Variants in ROBO1 observed in about 807,000 individuals in gnomAD.
The protein encoded by ROBO1 is roundabout homolog 1.
A neutral mutation model predicts 195.9 loss-of-function variants in ROBO1; 149 were observed. That is an observed-to-expected ratio of 0.76 (90% CI 0.67 to 0.87). ROBO1 has a LOEUF of 0.87. Among genes scored for constraint, ROBO1 ranks in the 40% least tolerant of loss-of-function variants. The pLI is 0.00. For synonymous variants in ROBO1, 816 were observed against 733.2 expected (o/e 1.11, Z -1.82); for missense variants, 1,933 against 2,068.3 (o/e 0.93, Z 1.27).
rs535511374 is a variant in ROBO1 at position 79,031,991 on chromosome 3, C to T, written c.173-93064G>A. ...CTCTTAAACAATAGTGAGATGGACA[C>T]ACAGGCTTATATAGGGTATGAAGCC... On this transcript the variant is annotated intron_variant, in intron 3 of 30. Coordinates refer to ENST00000464233, the MANE Select transcript of ROBO1 (RefSeq NM_002941.4). Among the ~76,000 whole-genome samples the T allele has an allele frequency of 2.9e-4, 44 of 152,072 alleles. No individual in the cohort carries two copies. In the South Asian group the frequency reaches 8.5e-3, roughly 29 times the overall value.
chr3:79,461,917 A>C (rs1937659357), intron 2 of ROBO1, among the ~76,000 whole-genome samples: 1 of 152,210 alleles, frequency 6.6e-6, no homozygotes, highest in Non-Finnish European at 1.5e-5. Flanking sequence ...TTTCCTAAAA[A>C]ACAATCCAAA....
At chr3:79,201,864 A>G (rs2081771600) in intron 2 of ROBO1, among the ~76,000 whole-genome samples, 1 of 150,000 alleles carries the variant, frequency 6.7e-6, no homozygotes, top group Non-Finnish European at 1.5e-5. Context: ...GTATTATATA[A>G]TATCTACATC....
intron 5 of ROBO1, among the ~76,000 whole-genome samples, chr3:78,718,888 G>GAGGGAGGGAAGA (rs201957227): frequency 6.7e-6 from 1 of 148,660 alleles, no homozygotes; most frequent in Non-Finnish European, 1.5e-5. Context: ...GGGAGGGAAG[G>GAGGGAGGGAAGA]AGGGAGGGAA....
At chr3:79,607,095 GCACACACA>G (rs35692271) in intron 1 of ROBO1, among the ~76,000 whole-genome samples, 18 of 140,042 alleles carry the variant, frequency 1.3e-4, no homozygotes, top group Non-Finnish European at 2.0e-4. Context: ...ATTAAAACCT[GCACACACA>G]CACACACACA....
intron 3 of ROBO1, among the ~76,000 whole-genome samples, chr3:78,961,280 T>A (rs374918641): frequency 8.5e-5 from 13 of 152,228 alleles, no homozygotes; most frequent in African/African-American, 2.9e-4. Context: ...GAGAGATGAA[T>A]CAAAATTTTT....
intron 2 of ROBO1, among the ~76,000 whole-genome samples, chr3:79,471,699 T>C (rs1938280580): frequency 6.6e-6 from 1 of 152,176 alleles, no homozygotes; most frequent in Admixed American, 6.5e-5. Flanking sequence ...TATCCATCAA[T>C]GATACACTGG....
intron 2 of ROBO1, among the ~76,000 whole-genome samples, chr3:79,249,920 G>A (rs202166951): frequency 6.6e-6 from 1 of 152,154 alleles, no homozygotes; most frequent in African/African-American, 2.4e-5. Context: ...GGGTGCCAAA[G>A]AAGCCACAAA....
At chr3:79,548,170 T>C (rs1942342702) in intron 2 of ROBO1, among the ~76,000 whole-genome samples, 1 of 152,206 alleles carries the variant, frequency 6.6e-6, no homozygotes, top group Non-Finnish European at 1.5e-5. Context: ...GGTAACTTCC[T>C]CACCCAAGGA....
intron 2 of ROBO1, among the ~76,000 whole-genome samples, chr3:79,304,994 C>T (rs1203952713): frequency 6.6e-6 from 1 of 152,136 alleles, no homozygotes; most frequent in Non-Finnish European, 1.5e-5. Flanking sequence ...CCATTTCTTC[C>T]TCATCTTAGT....
intron 3 of ROBO1, among the ~76,000 whole-genome samples, chr3:79,096,441 T>C (rs1440828318): frequency 6.6e-6 from 1 of 151,852 alleles, no homozygotes; most frequent in African/African-American, 2.4e-5. Flanking sequence ...TATATGAATA[T>C]GCATTTCAAC....
intron 1 of ROBO1, among the ~76,000 whole-genome samples, chr3:79,674,282 T>C (rs1000356988): frequency 7.2e-5 from 11 of 152,110 alleles, no homozygotes; most frequent in African/African-American, 2.6e-4. Context: ...ACGGTAATGT[T>C]TGTAAAGGAC....
chr3:79,253,527 A>G (rs1445028526), intron 2 of ROBO1, among the ~76,000 whole-genome samples: 1 of 152,168 alleles, frequency 6.6e-6, no homozygotes, highest in African/African-American at 2.4e-5. Flanking sequence ...TGGCTTCGTG[A>G]GCAAATAGTG....
intron 4 of ROBO1, among the ~76,000 whole-genome samples, chr3:78,783,389 T>C (rs943585154): frequency 2.6e-5 from 4 of 152,216 alleles, no homozygotes; most frequent in Admixed American, 1.3e-4. Flanking sequence ...CCTCAACATT[T>C]ACCACAGACC....
chr3:79,142,713 C>A (rs1432281474), intron 2 of ROBO1, among the ~76,000 whole-genome samples: 1 of 151,990 alleles, frequency 6.6e-6, no homozygotes, highest in Non-Finnish European at 1.5e-5. Context: ...AATACTCTTT[C>A]CATTGGCCTT....
intron 2 of ROBO1, among the ~76,000 whole-genome samples, chr3:79,501,770 G>A (rs1159289754): frequency 6.6e-6 from 1 of 152,110 alleles, no homozygotes; most frequent in African/African-American, 2.4e-5. Context: ...ACAAATCTAT[G>A]TCAAACCAAT....
chr3:79,141,967 T>C (rs1477702438), intron 2 of ROBO1, among the ~76,000 whole-genome samples: 1 of 152,072 alleles, frequency 6.6e-6, no homozygotes, highest in African/African-American at 2.4e-5. Context: ...CAGACTGACA[T>C]TTGTGGTTTT....
chr3:78,987,977 T>A (rs1298026131), intron 3 of ROBO1, among the ~76,000 whole-genome samples: 1 of 152,104 alleles, frequency 6.6e-6, no homozygotes, highest in Non-Finnish European at 1.5e-5. Context: ...TAATAAATAA[T>A]TGATGAACAA....
chr3:79,580,934 C>A (rs755830557), intron 2 of ROBO1, among the ~76,000 whole-genome samples: 1 of 152,068 alleles, frequency 6.6e-6, no homozygotes, highest in Non-Finnish European at 1.5e-5. Flanking sequence ...GCAATGGAAA[C>A]GTTTTCCAAA....
intron 4 of ROBO1, among the ~76,000 whole-genome samples, chr3:78,784,513 G>C (rs1214050022): frequency 6.6e-6 from 1 of 151,992 alleles, no homozygotes; most frequent in Non-Finnish European, 1.5e-5. Flanking sequence ...AGAATGCATG[G>C]TTACTACATG....
Sources: gnomAD v4.1 joint callset for allele counts (sites outside exome capture counted in the v4.1 genomes callset) on GRCh38, gnomAD v4.1.1 for gene constraint, MANE v1.5 for transcripts, NCBI Gene and HGNC (gene_info 2026-07-23, HGNC 2026-07-21) for gene names.